The following FCHSD2 variants were observed in gnomAD, a reference collection of about 807,000 sequenced individuals.
The protein encoded by FCHSD2 is F-BAR and double SH3 domains protein 2.
Under a neutral mutation model 108.1 loss-of-function variants are expected in FCHSD2, and 38 were observed. The observed-to-expected ratio is 0.35, with a 90% CI of 0.27 to 0.46. The LOEUF (loss-of-function observed/expected upper bound fraction) is 0.46, where lower values mean the gene tolerates loss of function less well. FCHSD2 is among the 20% of genes least tolerant of loss of function. FCHSD2 has a pLI of 1.00. For synonymous variants in FCHSD2, 279 were observed against 314.7 expected (o/e 0.89, Z 1.20); for missense variants, 751 against 897.8 (o/e 0.84, Z 2.09).
At chr11:72,945,947 G>A (rs1275335547) in intron 8 of FCHSD2, among the ~76,000 whole-genome samples, 1 of 152,182 alleles carries the variant, frequency 6.6e-6, no homozygotes, top group Non-Finnish European at 1.5e-5. Flanking sequence ...CACTGTTGGT[G>A]GGACTGTAAA....
At chr11:72,966,207 A>AGGAC (rs1856903528) in intron 8 of FCHSD2, among the ~76,000 whole-genome samples, 1 of 148,180 alleles carries the variant, frequency 6.7e-6, no homozygotes. Flanking sequence ...TCGCCCAGGA[A>AGGAC]GGAGTGCAGT....
At chr11:72,964,729 A>G (rs577803952) in intron 8 of FCHSD2, among the ~76,000 whole-genome samples, 2 of 151,610 alleles carry the variant, frequency 1.3e-5, no homozygotes, top group South Asian at 4.2e-4. Context: ...TGCTATTAGT[A>G]TCTGCCTTTC....
intron 2 of FCHSD2, among the ~76,000 whole-genome samples, chr11:73,133,493 G>C (rs780763764): frequency 3.3e-5 from 5 of 152,132 alleles, no homozygotes; most frequent in Non-Finnish European, 5.9e-5. Flanking sequence ...ATTACACCAG[G>C]CTGGGCGCAG....
At chr11:72,927,447 TG>T (rs951641681) in intron 8 of FCHSD2, among the ~76,000 whole-genome samples, 27 of 152,250 alleles carry the variant, frequency 1.8e-4, no homozygotes, top group African/African-American at 5.5e-4. Flanking sequence ...GCCACTCTGA[TG>T]GGGGATGTTG....
In FCHSD2 at chr11:72,895,031, T is replaced by C. The variant is rs78753085; in HGVS notation, c.925-5086A>G. On this transcript the variant is annotated intron_variant, in intron 10 of 19. Coordinates refer to ENST00000409418, the MANE Select transcript of FCHSD2 (RefSeq NM_014824.3). ...ACTTTTAAGTCACATATTTCAAATATGCCACACACCTTGAAGAGGAGTGGA... is the reference window on the plus strand; with the variant it reads ...ACTTTTAAGTCACATATTTCAAATACGCCACACACCTTGAAGAGGAGTGGA... Among the ~76,000 whole-genome samples, 183 of 152,300 alleles carry C rather than the reference T, an allele frequency of 1.2e-3. 1 individual carries two copies. The highest frequency in any genetic ancestry group is 4.2e-3 in the African/African-American group (176 of 41,562).
intron 8 of FCHSD2, among the ~76,000 whole-genome samples, chr11:72,964,116 G>A (rs936432278): frequency 1.8e-4 from 27 of 152,160 alleles, no homozygotes; most frequent in Admixed American, 3.3e-4. Context: ...TATTATGGAT[G>A]ACACAATCAG....
chr11:73,001,222 G>T lies in FCHSD2; in HGVS notation c.243-88C>A, dbSNP rs1857619744. On this transcript the variant is annotated intron_variant, in intron 4 of 19. Transcript: ENST00000409418. Reference sequence around the variant, plus strand: ...TTTTGCTCACAGGGCAGCACTGACAGAATAAATGAATGTCTTCTTTAATGT... The same window carrying T: ...TTTTGCTCACAGGGCAGCACTGACATAATAAATGAATGTCTTCTTTAATGT... The T allele has an allele frequency of 6.8e-6, 7 of 1,036,282 alleles. No individual in the cohort carries two copies. In the East Asian group the frequency reaches 1.7e-4, roughly 26 times the overall value. The allele number at this position is 1,036,282 out of a possible 1,614,324, so 64.2% of individuals were successfully genotyped here. A position where few individuals can be genotyped will look rare whatever the true frequency, so the allele number is the denominator to read the frequency against.
intron 12 of FCHSD2, among the ~76,000 whole-genome samples, chr11:72,877,031 G>C (rs1464334033): frequency 6.6e-6 from 1 of 151,502 alleles, no homozygotes; most frequent in Non-Finnish European, 1.5e-5. Context: ...CAGTGCAGTG[G>C]TACGATCACG....
intron 10 of FCHSD2, chr11:72,900,401 A>G (rs1855503534): frequency 2.1e-6 from 2 of 949,890 alleles, no homozygotes; most frequent in Admixed American, 2.0e-5. Context: ...CAAGGACACA[A>G]CACCTAAGAA....
chr11:73,090,445 T>A (rs1460027735), intron 2 of FCHSD2, among the ~76,000 whole-genome samples: 1 of 152,138 alleles, frequency 6.6e-6, no homozygotes, highest in Non-Finnish European at 1.5e-5. Context: ...CGGGATGGTC[T>A]CGATCTGCTG....
intron 9 of FCHSD2, among the ~76,000 whole-genome samples, chr11:72,916,581 T>A (rs1462479708): frequency 6.6e-6 from 1 of 152,172 alleles, no homozygotes; most frequent in Non-Finnish European, 1.5e-5. Context: ...TTCCAAAGTA[T>A]TGGGATTACA....
At chr11:73,011,186 G>A (rs910569039) in intron 4 of FCHSD2, among the ~76,000 whole-genome samples, 4 of 152,148 alleles carry the variant, frequency 2.6e-5, no homozygotes, top group African/African-American at 9.7e-5. Context: ...TCAGGCTGGG[G>A]TGGCTTGCCC....
intron 8 of FCHSD2, among the ~76,000 whole-genome samples, chr11:72,978,573 C>G (rs1231121447): frequency 6.6e-6 from 1 of 152,098 alleles, no homozygotes; most frequent in Non-Finnish European, 1.5e-5. Context: ...ATTGTAATCC[C>G]CATATATCGG....
chr11:73,009,146 T>G (rs1857805514), intron 4 of FCHSD2, among the ~76,000 whole-genome samples: 1 of 151,960 alleles, frequency 6.6e-6, no homozygotes, highest in African/African-American at 2.4e-5. Context: ...GCAAACAATT[T>G]AAAAGACTGA....
intron 2 of FCHSD2, among the ~76,000 whole-genome samples, chr11:73,101,113 C>G (rs1860214789): frequency 6.6e-6 from 1 of 152,108 alleles, no homozygotes; most frequent in African/African-American, 2.4e-5. Context: ...TATCACTGTT[C>G]CCAGCAAACA....
At chr11:72,891,780 A>G (rs961914869) in intron 10 of FCHSD2, among the ~76,000 whole-genome samples, 2 of 152,230 alleles carry the variant, frequency 1.3e-5, no homozygotes, top group Non-Finnish European at 2.9e-5. Flanking sequence ...AGTCGTAGCT[A>G]CATCTGAAAA....
At chr11:72,849,417 A>G (rs1011358304) in intron 14 of FCHSD2, among the ~76,000 whole-genome samples, 1 of 152,210 alleles carries the variant, frequency 6.6e-6, no homozygotes, top group African/African-American at 2.4e-5. Flanking sequence ...GCTATATAAT[A>G]AAAGAGGCAA....
intron 2 of FCHSD2, among the ~76,000 whole-genome samples, chr11:73,120,061 T>G (rs766004564): frequency 2.6e-5 from 4 of 152,102 alleles, no homozygotes; most frequent in Non-Finnish European, 5.9e-5. Context: ...CAGAAACCCC[T>G]GATAAAACCA....
intron 13 of FCHSD2, among the ~76,000 whole-genome samples, chr11:72,855,711 T>C (rs1412483262): frequency 6.6e-6 from 1 of 152,156 alleles, no homozygotes; most frequent in East Asian, 1.9e-4. Context: ...TTAATTGAAA[T>C]GGCATTGAGT....
Sources: allele counts gnomAD v4.1 joint callset (sites outside exome capture counted in the v4.1 genomes callset), GRCh38; gene constraint gnomAD v4.1.1; transcripts MANE v1.5; gene names NCBI Gene and HGNC (gene_info 2026-07-23, HGNC 2026-07-21).